The following DAGLB variants were observed in gnomAD, a reference collection of about 807,000 sequenced individuals.
DAGLB encodes diacylglycerol lipase beta.
Under a neutral mutation model 72.1 loss-of-function variants are expected in DAGLB, and 66 were observed. That is an observed-to-expected ratio of 0.92 (90% CI 0.75 to 1.12). DAGLB has a LOEUF of 1.12. Among genes scored for constraint, DAGLB ranks in the 50% most tolerant of loss-of-function variants. DAGLB has a pLI of 0.00. For synonymous variants in DAGLB, 414 were observed against 359.5 expected (o/e 1.15, Z -1.71); for missense variants, 1,065 against 884.9 (o/e 1.20, Z -2.58).
chr7:6,419,054 A>G (rs1265226365), intron 9 of DAGLB, among the ~76,000 whole-genome samples: 1 of 136,302 alleles, frequency 7.3e-6, no homozygotes, highest in Non-Finnish European at 1.6e-5. Flanking sequence ...AGGCTTCAAC[A>G]CTCTGTGTGC....
At chr7:6,432,153 C>T (rs1055999446) in intron 5 of DAGLB, among the ~76,000 whole-genome samples, 1 of 151,182 alleles carries the variant, frequency 6.6e-6, no homozygotes, top group African/African-American at 2.4e-5. Context: ...GAGTTTGAGA[C>T]CAGCCTGGCC....
In DAGLB at chr7:6,409,821, T is replaced by C. The variant is rs758421152; in HGVS notation, c.*16A>G. On this transcript the variant is annotated 3_prime_UTR_variant, in exon 15 of 15. Coordinates refer to ENST00000297056, the MANE Select transcript of DAGLB (RefSeq NM_139179.4). The stretch of plus-strand genomic sequence containing the variant: ...CGTGAGTCCATCGTTCCTGGGACAG[T>C]TTCCAGTGGCCCTGGTCAGGCCACG... 6.2e-7 allele frequency: 1 copy of C among 1,610,958 alleles called. No individual in the cohort carries two copies. The highest frequency in any genetic ancestry group is 8.5e-7 in the Non-Finnish European group (1 of 1,178,366).
intron 3 of DAGLB, 65 bp from the exon 4 acceptor site, chr7:6,435,085 G>A: frequency 1.0e-5 from 16 of 1,581,528 alleles, no homozygotes; most frequent in Non-Finnish European, 1.4e-5. Flanking sequence ...AGATGTCCGG[G>A]GTCCCTCCTC....
At chr7:6,433,015 TTCCCTAAAA>T in intron 4 of DAGLB, 56 bp from the exon 5 acceptor site, 1 of 1,580,498 alleles carries the variant, frequency 6.3e-7, no homozygotes, top group African/African-American at 1.4e-5. Flanking sequence ...CACCCCCGGG[TTCCCTAAAA>T]TCCAGTCTTC....
chr7:6,442,151 A>T (rs1207998669), intron 2 of DAGLB, among the ~76,000 whole-genome samples: 2 of 152,104 alleles, frequency 1.3e-5, no homozygotes, highest in Non-Finnish European at 2.9e-5. Context: ...TCCATTCCTG[A>T]ACCAATCACC....
At chr7:6,410,604 CTT>C (rs1783690357) in intron 13 of DAGLB, among the ~76,000 whole-genome samples, 1 of 152,184 alleles carries the variant, frequency 6.6e-6, no homozygotes. Context: ...TGGGCTCTCT[CTT>C]GGGCAGTAAA....
chr7:6,440,257 G>A (rs1352001546), intron 2 of DAGLB, among the ~76,000 whole-genome samples: 1 of 151,758 alleles, frequency 6.6e-6, no homozygotes, highest in Admixed American at 6.6e-5. Flanking sequence ...GGTGGTGCAT[G>A]CCTGTAATCC....
intron 2 of DAGLB, among the ~76,000 whole-genome samples, chr7:6,445,408 G>A (rs940494034): frequency 2.6e-5 from 4 of 152,136 alleles, no homozygotes; most frequent in African/African-American, 4.8e-5. Flanking sequence ...CTTATATGAT[G>A]TCCACAATAG....
chr7:6,431,357 C>A (rs950555188), intron 5 of DAGLB, among the ~76,000 whole-genome samples: 20 of 152,242 alleles, frequency 1.3e-4, no homozygotes, highest in African/African-American at 4.8e-4. Flanking sequence ...ACTGCTTCTG[C>A]CCCCAGCCCC....
intron 9 of DAGLB, chr7:6,417,708 A>G (rs1444645453): frequency 6.6e-6 from 1 of 151,958 alleles, no homozygotes; most frequent in East Asian, 1.9e-4. Flanking sequence ...GCAAGACCCC[A>G]TTTCTCTAAA....
At chr7:6,426,227 G>T in intron 6 of DAGLB, 113 bp from the exon 7 acceptor site, 1 of 1,474,732 alleles carries the variant, frequency 6.8e-7, no homozygotes, top group Non-Finnish European at 9.2e-7. Context: ...ACAATTCTCA[G>T]GACTTAGCCT....
chr7:6,420,967 G>C (rs1006023545), intron 9 of DAGLB, among the ~76,000 whole-genome samples: 3 of 152,186 alleles, frequency 2.0e-5, no homozygotes, highest in African/African-American at 7.2e-5. Flanking sequence ...GCTGCTCTGA[G>C]CTTTGATGAA....
chr7:6,443,495 T>G (rs185398681), intron 2 of DAGLB, among the ~76,000 whole-genome samples: 6 of 152,260 alleles, frequency 3.9e-5, no homozygotes, highest in Non-Finnish European at 8.8e-5. Context: ...AGCTCTGTTT[T>G]CTATGTTACT....
At chr7:6,442,559 G>A (rs1373423126) in intron 2 of DAGLB, among the ~76,000 whole-genome samples, 2 of 152,182 alleles carry the variant, frequency 1.3e-5, no homozygotes, top group Non-Finnish European at 2.9e-5. Flanking sequence ...GTTAGATAAT[G>A]CTGTATCTGA....
chr7:6,435,056 C>T (rs770744819), intron 3 of DAGLB, 36 bp from the exon 4 acceptor site: 21 of 1,604,202 alleles, frequency 1.3e-5, no homozygotes, highest in Non-Finnish European at 1.5e-5. Flanking sequence ...TCGGTGACTG[C>T]GGGCCCCAGC....
intron 2 of DAGLB, among the ~76,000 whole-genome samples, chr7:6,445,543 C>G (rs1193118078): frequency 6.6e-6 from 1 of 152,160 alleles, no homozygotes; most frequent in African/African-American, 2.4e-5. Flanking sequence ...AGAGTCTCCA[C>G]TCTGTCACTC....
chr7:6,445,371 A>G (rs1291004703), intron 2 of DAGLB, among the ~76,000 whole-genome samples: 1 of 152,240 alleles, frequency 6.6e-6, no homozygotes, highest in Admixed American at 6.5e-5. Context: ...AAACCAGACC[A>G]AAAGGCCACA....
intron 6 of DAGLB, 121 bp from the exon 7 acceptor site, chr7:6,426,235 C>G (rs577159090): frequency 2.1e-6 from 3 of 1,427,162 alleles, no homozygotes; most frequent in African/African-American, 2.8e-5. Context: ...CAGGACTTAG[C>G]CTGGCTGACA....
chr7:6,426,054 G>T lies in DAGLB; in HGVS notation c.990C>A (p.Phe330Leu). The change falls in exon 7 of 15, where the codon TTC (phenylalanine) becomes TTA (leucine). Residue 330 changes from phenylalanine (F) to leucine (L), a missense_variant. Coordinates refer to ENST00000297056, the MANE Select transcript of DAGLB (RefSeq NM_139179.4). ...LVGGDQLNCH[F>L]GSILHTTGLQ... ...GCCCTGTGGTGTGCAGGATGGAGCC[G>T]AAGTGACAGTTGAGCTGATCGCCTC... is the stretch of plus-strand genomic sequence containing the variant. 6.2e-7 allele frequency: 1 copy of T among 1,614,066 alleles called. No individual in the cohort carries two copies. Among genetic ancestry groups the T allele is most frequent in the Non-Finnish European group, 8.5e-7 (1 of 1,180,000 alleles).
Sources: gnomAD v4.1 joint callset for allele counts (sites outside exome capture counted in the v4.1 genomes callset) on GRCh38, gnomAD v4.1.1 for gene constraint, MANE v1.5 for transcripts, NCBI Gene and HGNC (gene_info 2026-07-23, HGNC 2026-07-21) for gene names.